The following PROKR1 variants were observed in gnomAD, a reference collection of about 807,000 sequenced individuals.
The protein encoded by PROKR1 is G protein-coupled receptor 73.
Under a neutral mutation model 22.8 loss-of-function variants are expected in PROKR1, and 21 were observed. That is an observed-to-expected ratio of 0.92 (90% confidence interval 0.65 to 1.32). The LOEUF (loss-of-function observed/expected upper bound fraction) is 1.32. Among genes scored for constraint, PROKR1 ranks in the 40% most tolerant of loss-of-function variants. The pLI is 0.00. For synonymous variants in PROKR1, 193 were observed against 207.5 expected (o/e 0.93, Z 0.60); for missense variants, 548 against 514.2 (o/e 1.07, Z -0.64).
chr2:68,648,626 G>T (rs1052416333), intron 2 of PROKR1, among the ~76,000 whole-genome samples: 2 of 152,116 alleles, frequency 1.3e-5, no homozygotes, highest in African/African-American at 2.4e-5. Flanking sequence ...ATTTTTATTT[G>T]TATGTGTTGT....
At position 68,655,412 on chromosome 2, in the gene PROKR1, CTG is replaced by C; in HGVS notation, c.1021_1022del (p.Cys341LeufsTer28). 6.2e-7 allele frequency: 1 copy of C among 1,614,184 alleles called. No homozygotes were observed. The highest frequency in any genetic ancestry group is 2.2e-5 in the East Asian group (1 of 44,888). ...IAMSNSMINT[L>X]CFVTVKNDTV... is the part of the protein sequence containing the mutation. ...CATGAGCAACAGCATGATCAACACT[CTG>C]TGCTTCGTGACCGTCAAGAACGACA... On this transcript the variant is annotated frameshift_variant, in exon 3 of 3. Transcript: ENST00000303786. LOFTEE classifies it high-confidence loss of function.
At chr2:68,650,310 C>T (rs1228212927) in intron 2 of PROKR1, among the ~76,000 whole-genome samples, 1 of 152,190 alleles carries the variant, frequency 6.6e-6, no homozygotes, top group Non-Finnish European at 1.5e-5. Flanking sequence ...CCCCAGACTG[C>T]TTCCCAGTCT....
At position 68,657,565 on chromosome 2, in the gene PROKR1, C is replaced by T. The variant is rs1673498720; in HGVS notation, c.*1989C>T. The T allele has an allele frequency of 6.6e-6, 1 of 152,136 alleles. No homozygotes were observed. The highest frequency in any genetic ancestry group is 1.5e-5 in the Non-Finnish European group (1 of 68,036). 9.4% of individuals were successfully genotyped at this position (152,136 alleles called of 1,614,324 possible). Reference sequence around the variant, plus strand: ...GCTGATCATCTTCCCATGACTGTTCCCAGCCAGCATGAATCTGGGCAATGG... The same window carrying T: ...GCTGATCATCTTCCCATGACTGTTCTCAGCCAGCATGAATCTGGGCAATGG... On this transcript the variant is annotated 3_prime_UTR_variant, in exon 3 of 3. Transcript: ENST00000303786.
intron 2 of PROKR1, 74 bp from the exon 3 acceptor site, chr2:68,654,806 C>CA (rs57056816): frequency 0.11 from 128,990 of 1,148,328 alleles, 1,043 homozygotes; most frequent in East Asian, 0.18. Context: ...AACCCTGTTT[C>CA]AAAAAAAAAA....
chr2:68,646,067 C>G lies in PROKR1; in HGVS notation c.246C>G (p.Ile82Met), dbSNP rs1558577459. The part of the protein sequence containing the change: ...IMLVCGIGNF[I>M]FIAALVRYKK... The stretch of plus-strand genomic sequence containing the variant: ...TGGTCTGCGGCATTGGAAACTTCAT[C>G]TTTATCGCTGCCCTGGTCCGCTACA... The change falls in exon 2 of 3, where the codon ATC becomes ATG. Residue 82 changes from isoleucine to methionine, a missense_variant. Ile to Met is a conservative substitution (Grantham distance 10). Transcript: ENST00000303786. 1 of 1,614,134 alleles carries G rather than the reference C, an allele frequency of 6.2e-7. No individual in the cohort carries two copies. Among genetic ancestry groups the G allele is most frequent in the Non-Finnish European group, 8.5e-7 (1 of 1,180,050 alleles).
chr2:68,647,660 A>G (rs1673219221), intron 2 of PROKR1, among the ~76,000 whole-genome samples: 1 of 150,480 alleles, frequency 6.6e-6, no homozygotes, highest in South Asian at 2.1e-4. Context: ...CTCTGTCTAT[A>G]AAACCGCTGA....
Position 68,655,492 on chromosome 2 carries a change from T to C in PROKR1, c.1098T>C (p.Asn366=), listed in dbSNP as rs1673434619. 5 of 1,614,208 alleles carry C rather than the reference T, an allele frequency of 3.1e-6. No individual in the cohort carries two copies. ...IMLLHWKASY[N]GGKSSADLDL... ...TGCTCCACTGGAAGGCTTCTTACAA[T>C]GGCGGTAAGTCCAGTGCAGACCTGG... Residue 366 remains asparagine (N), a synonymous_variant, in exon 3 of 3, where the codon AAT becomes AAC. Coordinates refer to ENST00000303786, the MANE Select transcript of PROKR1 (RefSeq NM_138964.4).
At chr2:68,651,557 T>C (rs538565468) in intron 2 of PROKR1, among the ~76,000 whole-genome samples, 1 of 152,322 alleles carries the variant, frequency 6.6e-6, no homozygotes, top group African/African-American at 2.4e-5. Context: ...TTCTTCTGTC[T>C]TGATGAAGCT....
intron 2 of PROKR1, among the ~76,000 whole-genome samples, chr2:68,654,167 T>C (rs753768596): frequency 7.9e-5 from 12 of 152,222 alleles, no homozygotes; most frequent in Non-Finnish European, 1.8e-4. Flanking sequence ...CTCCCAACTC[T>C]TTGAATTATC....
At chr2:68,648,381 C>G (rs1018690365) in intron 2 of PROKR1, among the ~76,000 whole-genome samples, 4 of 152,184 alleles carry the variant, frequency 2.6e-5, no homozygotes, top group Non-Finnish European at 4.4e-5. Flanking sequence ...GCAAGCATTT[C>G]TCTTGCAGTG....
In PROKR1 at chr2:68,646,016, TGG is replaced by T; in HGVS notation, c.197_198del (p.Gly66AspfsTer42). On this transcript the variant is annotated frameshift_variant, in exon 2 of 3. Transcript: ENST00000303786. LOFTEE classifies it high-confidence loss of function. The part of the protein sequence containing the change: ...RTFFAAKIVI[G>X]MALVGIMLVC... ...CGTTCTTTGCTGCCAAGATTGTCAT[TGG>T]GATGGCCCTGGTGGGCATCATGCTG... 6.2e-7 allele frequency: 1 copy of T among 1,614,262 alleles called. No individual in the cohort carries two copies. Among genetic ancestry groups the T allele is most frequent in the Non-Finnish European group, 8.5e-7 (1 of 1,180,042 alleles).
chr2:68,650,072 G>T lies in PROKR1; in HGVS notation c.485+3766G>T, dbSNP rs186690278. Among the ~76,000 whole-genome samples, 988 of 120,584 alleles carry T rather than the reference G, an allele frequency of 8.2e-3. 6 individuals are homozygous for T. The highest frequency in any genetic ancestry group is 0.028 in the African/African-American group (898 of 31,922). 79.1% of individuals were successfully genotyped at this position (120,584 alleles called of 152,430 possible). Reference sequence around the variant, plus strand: ...CACACTCTGGGGACTGTTGTGGGGTGGGGGGAGGGGGGAGGGATAGCATTG... The same window carrying T: ...CACACTCTGGGGACTGTTGTGGGGTTGGGGGAGGGGGGAGGGATAGCATTG... On this transcript the variant is annotated intron_variant, in intron 2 of 2. Transcript: ENST00000303786.
At position 68,646,256 on chromosome 2, in the gene PROKR1, T is replaced by G; in HGVS notation, c.435T>G (p.Thr145=). 6.2e-7 allele frequency: 1 copy of G among 1,614,188 alleles called. No homozygotes were observed. ...GCACCTCTGTCAACTACCTGCGCAC[T>G]GTCTCTCTCTATGTCTCCACCAATG... ...VLCTSVNYLR[T]VSLYVSTNAL... is the part of the protein sequence containing the mutation. The change falls in exon 2 of 3, where the codon ACT becomes ACG. Residue 145 remains threonine, a synonymous_variant. Coordinates refer to ENST00000303786, the MANE Select transcript of PROKR1 (RefSeq NM_138964.4).
Position 68,654,958 on chromosome 2 carries a change from G to T in PROKR1, c.564G>T (p.Thr188=), listed in dbSNP as rs748841779. The T allele has an allele frequency of 1.9e-6, 3 of 1,613,502 alleles. No individual in the cohort carries two copies. The highest frequency in any genetic ancestry group is 2.5e-6 in the Non-Finnish European group (3 of 1,179,984). The change falls in exon 3 of 3, where the codon ACG becomes ACT. Residue 188 remains threonine, a synonymous_variant. Transcript: ENST00000303786. ...TATGLIALVW[T]VSILIAIPSA... The stretch of plus-strand genomic sequence containing the variant: ...CTGGCCTGATTGCCTTGGTGTGGAC[G>T]GTGTCCATCCTGATCGCCATCCCTT...
intron 2 of PROKR1, among the ~76,000 whole-genome samples, chr2:68,653,269 C>A (rs1369855322): frequency 1.3e-5 from 2 of 152,150 alleles, no homozygotes; most frequent in Admixed American, 6.5e-5. Flanking sequence ...TGGCAGTCGG[C>A]CGGGCGTCCA....
chr2:68,651,663 T>C (rs1004591638), intron 2 of PROKR1, among the ~76,000 whole-genome samples: 3 of 152,234 alleles, frequency 2.0e-5, no homozygotes, highest in Non-Finnish European at 4.4e-5. Context: ...GGTTGTGTTA[T>C]CTCTGCCCAT....
rs1331568648 is a variant in PROKR1 at position 68,645,686 on chromosome 2, T to C, written c.-136T>C. ...GGTTTAGAATGGAGCTCAGATACCA[T>C]ACCCCAAAGATGCTGGCAGAGACAT... On this transcript the variant is annotated 5_prime_UTR_variant, in exon 2 of 3. Coordinates refer to ENST00000303786, the MANE Select transcript of PROKR1 (RefSeq NM_138964.4). 20 of 1,227,208 alleles carry C rather than the reference T, an allele frequency of 1.6e-5. No homozygotes were observed. The highest frequency in any genetic ancestry group is 2.3e-5 in the Non-Finnish European group (20 of 851,416). 76.0% of individuals were successfully genotyped at this position (1,227,208 alleles called of 1,614,324 possible). A position where few individuals can be genotyped will look rare whatever the true frequency, so the allele number is the denominator to read the frequency against.
At chr2:68,648,271 T>C (rs542841429) in intron 2 of PROKR1, among the ~76,000 whole-genome samples, 1 of 152,248 alleles carries the variant, frequency 6.6e-6, no homozygotes, top group Admixed American at 6.5e-5. Flanking sequence ...ATTTGGAACA[T>C]GTAAGAGTGA....
Position 68,655,272 on chromosome 2 carries a change from A to G in PROKR1, c.878A>G (p.Tyr293Cys), listed in dbSNP as rs762384062. Reference sequence around the variant, plus strand: ...GTGCTCATGTGCATCCTCACCGCCTACGTGCTATGCTGGGCGCCCTTCTAC... The same window carrying G: ...GTGCTCATGTGCATCCTCACCGCCTGCGTGCTATGCTGGGCGCCCTTCTAC... ...VLVLMCILTA[Y>C]VLCWAPFYGF... is the part of the protein sequence containing the mutation. The change falls in exon 3 of 3, where the codon TAC (tyrosine) becomes TGC (cysteine). Residue 293 changes from tyrosine to cysteine, a missense_variant. By Grantham distance (194) the Tyr-to-Cys change is radical. Coordinates refer to ENST00000303786, the MANE Select transcript of PROKR1 (RefSeq NM_138964.4). 2 of 1,614,240 alleles carry G rather than the reference A, an allele frequency of 1.2e-6. No individual in the cohort carries two copies. The highest frequency in any genetic ancestry group is 1.1e-5 in the South Asian group (1 of 91,092).
Sources: gnomAD v4.1 joint callset for allele counts (sites outside exome capture counted in the v4.1 genomes callset) on GRCh38, gnomAD v4.1.1 for gene constraint, MANE v1.5 for transcripts, NCBI Gene and HGNC (gene_info 2026-07-23, HGNC 2026-07-21) for gene names.